SRPK1: variants seen among roughly 807,000 people sequenced by gnomAD.
SRPK1 encodes SRSF protein kinase 1, also known as SFRS protein kinase 1.
In SRPK1, 52 loss-of-function variants were observed where a neutral mutation model predicts 89.5. That is an observed-to-expected ratio of 0.58 (90% CI 0.46 to 0.73). The LOEUF (loss-of-function observed/expected upper bound fraction) is 0.73, where lower values mean the gene tolerates loss of function less well. Ranked by LOEUF, SRPK1 falls within the 30% of genes least tolerant of loss-of-function variation. The pLI is 0.00. For synonymous variants in SRPK1, 255 were observed against 270.2 expected, an observed-to-expected ratio of 0.94 and a Z score of 0.55; for missense variants, 603 against 780.6, an observed-to-expected ratio of 0.77 and a Z score of 2.71.
At chr6:35,855,407 A>T (rs1424767606) in intron 13 of SRPK1, among the ~76,000 whole-genome samples, 1 of 152,156 alleles carries the variant, frequency 6.6e-6, no homozygotes, top group East Asian at 1.9e-4. Flanking sequence ...TTTGAAGACA[A>T]AGTTTTTCAG....
intron 2 of SRPK1, among the ~76,000 whole-genome samples, chr6:35,901,625 T>C (rs1329559934): frequency 6.6e-6 from 1 of 152,234 alleles, no homozygotes; most frequent in African/African-American, 2.4e-5. Flanking sequence ...AGGAAAGGAC[T>C]GTGTCCCAGT....
At chr6:35,859,615 T>G (rs1769736938) in intron 12 of SRPK1, among the ~76,000 whole-genome samples, 1 of 152,230 alleles carries the variant, frequency 6.6e-6, no homozygotes, top group Non-Finnish European at 1.5e-5. Context: ...AGTGGACTTG[T>G]GTAGTTCAAA....
chr6:35,856,635 A>G (rs913695136), intron 13 of SRPK1, among the ~76,000 whole-genome samples: 2 of 152,340 alleles, frequency 1.3e-5, no homozygotes, highest in African/African-American at 2.4e-5. Context: ...GGCTTACAAC[A>G]TAGAAGAGAA....
chr6:35,870,784 TG>T, intron 9 of SRPK1, 149 bp downstream of exon 9: 1 of 740,470 alleles, frequency 1.4e-6, no homozygotes, highest in Non-Finnish European at 2.2e-6. Flanking sequence ...TGAAGGTGCA[TG>T]GGAATTTACT....
intron 13 of SRPK1, among the ~76,000 whole-genome samples, chr6:35,850,636 C>T (rs533441918): frequency 3.0e-4 from 46 of 151,736 alleles, no homozygotes; most frequent in Non-Finnish European, 5.7e-4. Context: ...CAAAGATGTA[C>T]GTAAGAATTG....
At chr6:35,837,346 C>G (rs1173454901) in intron 15 of SRPK1, among the ~76,000 whole-genome samples, 1 of 152,152 alleles carries the variant, frequency 6.6e-6, no homozygotes. Flanking sequence ...AGTTCTTAGA[C>G]CAAACGCCAG....
At chr6:35,846,534 T>A (rs1285191725) in intron 13 of SRPK1, among the ~76,000 whole-genome samples, 4 of 143,914 alleles carry the variant, frequency 2.8e-5, no homozygotes, top group Non-Finnish European at 6.0e-5. Context: ...GCGTCCTGCA[T>A]GACAGAGTGA....
At position 35,874,319 on chromosome 6, in the gene SRPK1, C is replaced by T; in HGVS notation, c.499G>A (p.Val167Ile). Residue 167 changes from valine to isoleucine, a missense_variant, in exon 7 of 16, where the codon GTT becomes ATT. Transcript: ENST00000373825. Reference sequence around the variant, plus strand: ...CACTTGAGCAGATGATGCCCCAAAACTTCAAATACCATGCAGATATCTAGG... The same window carrying T: ...CACTTGAGCAGATGATGCCCCAAAATTTCAAATACCATGCAGATATCTAGG... ...NGTHICMVFE[V>I]LGHHLLKWII... is the part of the protein sequence containing the mutation. The T allele has an allele frequency of 1.2e-6, 2 of 1,612,818 alleles. No individual in the cohort carries two copies. Among genetic ancestry groups the T allele is most frequent in the East Asian group, 4.5e-5 (2 of 44,852 alleles).
intron 12 of SRPK1, among the ~76,000 whole-genome samples, chr6:35,860,418 C>T (rs1286443382): frequency 6.6e-6 from 1 of 152,090 alleles, no homozygotes; most frequent in Non-Finnish European, 1.5e-5. Context: ...CAGAAGACTC[C>T]ACCGGAATAA....
intron 6 of SRPK1, among the ~76,000 whole-genome samples, chr6:35,882,890 C>A (rs1045636112): frequency 1.4e-4 from 22 of 152,082 alleles, no homozygotes; most frequent in African/African-American, 5.3e-4. Context: ...GTCACTGCAA[C>A]CTCCGCCTCC....
In SRPK1 at chr6:35,870,483, C is replaced by T. The variant is rs1243786005; in HGVS notation, c.789G>A (p.Met263Ile). 2 of 1,551,124 alleles carry T rather than the reference C, an allele frequency of 1.3e-6. No individual in the cohort carries two copies. Among genetic ancestry groups the T allele is most frequent in the South Asian group, 1.2e-5 (1 of 84,034 alleles). ...TCAATTTCTTCTTCTTATTCTTTGA[C>T]ATTTTGTCAGCCTGGGCGGAGATTA... ...TAPQPKPADK[M>I]SKNKKKKLKK... Residue 263 changes from methionine to isoleucine, a missense_variant, in exon 10 of 16, where the codon ATG (methionine) becomes ATA (isoleucine). Met to Ile is a conservative substitution (Grantham distance 10). Transcript: ENST00000373825.
chr6:35,868,761 T>C (rs1197056744), intron 12 of SRPK1, among the ~76,000 whole-genome samples: 1 of 152,132 alleles, frequency 6.6e-6, no homozygotes, highest in East Asian at 1.9e-4. Flanking sequence ...CATTACTGAA[T>C]CTGGGTGATG....
intron 7 of SRPK1, among the ~76,000 whole-genome samples, chr6:35,873,741 C>T (rs539786342): frequency 6.6e-6 from 1 of 152,034 alleles, no homozygotes; most frequent in African/African-American, 2.4e-5. Context: ...CTGCCCGCCT[C>T]GGCCTCCCAA....
chr6:35,884,210 G>A (rs561647955), intron 6 of SRPK1, among the ~76,000 whole-genome samples: 2 of 152,210 alleles, frequency 1.3e-5, no homozygotes, highest in African/African-American at 4.8e-5. Context: ...AAAGACATAG[G>A]AGGTCATATA....
chr6:35,857,620 C>T (rs182622752), intron 12 of SRPK1, among the ~76,000 whole-genome samples: 1 of 152,236 alleles, frequency 6.6e-6, no homozygotes, highest in Non-Finnish European at 1.5e-5. Flanking sequence ...GAAACAACAA[C>T]AGCTTTTTTC....
intron 12 of SRPK1, among the ~76,000 whole-genome samples, chr6:35,857,991 T>C (rs1014637781): frequency 6.6e-6 from 1 of 152,230 alleles, no homozygotes; most frequent in Non-Finnish European, 1.5e-5. Context: ...TAAATTTCAA[T>C]AGGATTAGAG....
intron 12 of SRPK1, among the ~76,000 whole-genome samples, chr6:35,866,181 G>A (rs1264811579): frequency 5.3e-5 from 8 of 152,188 alleles, no homozygotes; most frequent in African/African-American, 1.7e-4. Flanking sequence ...ACCAATCAGA[G>A]TGGCTATTAC....
chr6:35,851,096 T>A (rs1248936800), intron 13 of SRPK1, among the ~76,000 whole-genome samples: 2 of 151,830 alleles, frequency 1.3e-5, no homozygotes, highest in Admixed American at 6.6e-5. Flanking sequence ...AATTAGGAGG[T>A]CACTGTATTG....
Position 35,920,450 on chromosome 6 carries a change from T to C in SRPK1, c.74+18A>G, listed in dbSNP as rs574952652. ...GGAGGAAAATCCAAAGAATGGGATG[T>C]TGGGGTACAAGACTCACTTCCTTTG... On this transcript the variant is annotated intron_variant, in intron 2 of 15. Coordinates refer to ENST00000373825, the MANE Select transcript of SRPK1 (RefSeq NM_003137.5). The C allele has an allele frequency of 6.2e-7, 1 of 1,611,660 alleles. No homozygotes were observed. The highest frequency in any genetic ancestry group is 8.5e-7 in the Non-Finnish European group (1 of 1,178,244).
Sources: allele counts gnomAD v4.1 joint callset (sites outside exome capture counted in the v4.1 genomes callset), GRCh38; gene constraint gnomAD v4.1.1; transcripts MANE v1.5; gene names NCBI Gene and HGNC (gene_info 2026-07-23, HGNC 2026-07-21).